The following PCDHGB1 variants were observed in gnomAD, a reference collection of about 807,000 sequenced individuals.
PCDHGB1 encodes the protein protocadherin gamma-B1.
A neutral mutation model predicts 56.6 loss-of-function variants in PCDHGB1; 34 were observed. That is an observed-to-expected ratio of 0.60 (90% CI 0.46 to 0.80). The LOEUF (loss-of-function observed/expected upper bound fraction) is 0.80, where lower values mean the gene tolerates loss of function less well. PCDHGB1 is among the 30% of genes least tolerant of loss of function. The probability of loss-of-function intolerance (pLI) is 0.00; values close to 1 mark genes in which losing one functional copy is unlikely to be tolerated. For synonymous variants in PCDHGB1, 561 were observed against 505.9 expected (o/e 1.11, Z -1.46); for missense variants, 1,278 against 1,204.6 (o/e 1.06, Z -0.90).
chr5:141,419,300 T>G (rs2096356436), intron 1 of PCDHGB1: 3 of 1,613,998 alleles, frequency 1.9e-6, no homozygotes, highest in Non-Finnish European at 2.5e-6. Context: ...TGACCCAGAC[T>G]TCGGGCTCAA....
chr5:141,404,291 G>C, intron 1 of PCDHGB1: 1 of 1,613,956 alleles, frequency 6.2e-7, no homozygotes, highest in Non-Finnish European at 8.5e-7. Context: ...TGACATCAAT[G>C]ATAATCCACC....
At chr5:141,394,989 C>T in intron 1 of PCDHGB1, 1 of 1,614,030 alleles carries the variant, frequency 6.2e-7, no homozygotes. Flanking sequence ...ACGCCTGCTC[C>T]AGGATTCCGG....
At chr5:141,384,532 A>T (rs766404100) in intron 1 of PCDHGB1, 1 of 1,614,238 alleles carries the variant, frequency 6.2e-7, no homozygotes, top group South Asian at 1.1e-5. Flanking sequence ...TCTCAGCAGC[A>T]ACATGTCACT....
chr5:141,442,870 T>A (rs942975420), intron 1 of PCDHGB1, among the ~76,000 whole-genome samples: 1 of 152,192 alleles, frequency 6.6e-6, no homozygotes, highest in African/African-American at 2.4e-5. Flanking sequence ...AGATGTAAAT[T>A]TACAACTCAG....
chr5:141,419,869 G>A, intron 1 of PCDHGB1: 3 of 1,614,072 alleles, frequency 1.9e-6, no homozygotes, highest in South Asian at 1.1e-5. Flanking sequence ...GCTTGCAAGA[G>A]GTACTGCCGG....
intron 1 of PCDHGB1, chr5:141,421,995 C>G (rs750731453): frequency 6.2e-7 from 1 of 1,608,844 alleles, no homozygotes; most frequent in South Asian, 1.1e-5. Context: ...CAGAAAACAT[C>G]AGCTCCGGAA....
At chr5:141,413,179 G>C in intron 1 of PCDHGB1, 1 of 1,602,658 alleles carries the variant, frequency 6.2e-7, no homozygotes. Context: ...GACTACAATG[G>C]CCGCTCAAAG....
At chr5:141,408,912 A>G (rs772751015) in intron 1 of PCDHGB1, 4 of 1,613,594 alleles carry the variant, frequency 2.5e-6, no homozygotes, top group Middle Eastern at 1.6e-4. Flanking sequence ...GATACCAATG[A>G]TAACCCCCCG....
At chr5:141,396,104 A>T (rs1423560620) in intron 1 of PCDHGB1, 1 of 152,258 alleles carries the variant, frequency 6.6e-6, no homozygotes, top group African/African-American at 2.4e-5. Flanking sequence ...TGTTGATATT[A>T]AGAACCAATG....
At chr5:141,422,926 GC>G in intron 1 of PCDHGB1, 1 of 1,614,230 alleles carries the variant, frequency 6.2e-7, no homozygotes, top group Non-Finnish European at 8.5e-7. Flanking sequence ...CCTGTACCCT[GC>G]CCTCCCCACA....
chr5:141,438,599 T>C (rs1320902737), intron 1 of PCDHGB1, among the ~76,000 whole-genome samples: 17 of 32,510 alleles, frequency 5.2e-4, no homozygotes, highest in African/African-American at 6.7e-4. Flanking sequence ...TACATATATA[T>C]ATATATATAT....
chr5:141,402,153 T>A (rs2094231712), intron 1 of PCDHGB1, among the ~76,000 whole-genome samples: 1 of 152,166 alleles, frequency 6.6e-6, no homozygotes, highest in Non-Finnish European at 1.5e-5. Flanking sequence ...TTAGCAATAT[T>A]AGGCGAGAAC....
At chr5:141,503,335 G>A (rs111643076) in intron 2 of PCDHGB1, among the ~76,000 whole-genome samples, 108 of 152,220 alleles carry the variant, frequency 7.1e-4, no homozygotes, top group African/African-American at 2.4e-3. Context: ...GGTGGCTCAC[G>A]CCTGTAATTC....
chr5:141,421,910 C>G, intron 1 of PCDHGB1: 1 of 1,613,716 alleles, frequency 6.2e-7, no homozygotes, highest in Non-Finnish European at 8.5e-7. Flanking sequence ...GGCGCAGTTC[C>G]CATTCGTGTG....
intron 1 of PCDHGB1, chr5:141,442,449 T>TA (rs1488731055): frequency 6.6e-6 from 1 of 152,210 alleles, no homozygotes; most frequent in African/African-American, 2.4e-5. Context: ...CAGGACTCAA[T>TA]AGCAGTTTCA....
chr5:141,382,072 G>T (rs901840757), intron 1 of PCDHGB1, among the ~76,000 whole-genome samples: 2 of 151,786 alleles, frequency 1.3e-5, no homozygotes, highest in Non-Finnish European at 2.9e-5. Context: ...CAGGTGATCC[G>T]CCCGCCTCGG....
At chr5:141,388,064 G>A in intron 1 of PCDHGB1, 1 of 1,376,092 alleles carries the variant, frequency 7.3e-7, no homozygotes, top group South Asian at 1.3e-5. Context: ...GCGTCCAGGA[G>A]TTACCGACTC....
intron 1 of PCDHGB1, chr5:141,366,399 C>T: frequency 6.2e-7 from 1 of 1,614,192 alleles, no homozygotes; most frequent in Non-Finnish European, 8.5e-7. Context: ...CTGGACCTCA[C>T]ACTCTATCTT....
Position 141,350,936 on chromosome 5 carries a change from T to A in PCDHGB1, c.676T>A (p.Trp226Arg). ...GCCTCTAAGCGGCACCACCCATATC[T>A]GGATCCGAGTTACGGATGCCAATGA... The part of the protein sequence containing the change: ...DPPLSGTTHI[W>R]IRVTDANDNA... The change falls in exon 1 of 4, where the codon TGG becomes AGG. Residue 226 changes from tryptophan (W) to arginine (R), a missense_variant. Trp to Arg is a moderately radical substitution (Grantham distance 101). Transcript: ENST00000523390. 1 of 1,614,102 alleles carries A rather than the reference T, an allele frequency of 6.2e-7. No individual in the cohort carries two copies. Among genetic ancestry groups the A allele is most frequent in the Non-Finnish European group, 8.5e-7 (1 of 1,179,912 alleles).
Sources: gnomAD v4.1 joint callset for allele counts (sites outside exome capture counted in the v4.1 genomes callset) on GRCh38, gnomAD v4.1.1 for gene constraint, MANE v1.5 for transcripts, NCBI Gene and HGNC (gene_info 2026-07-23, HGNC 2026-07-21) for gene names.